Variants in ZNF565 observed in about 807,000 individuals in gnomAD.
The protein encoded by ZNF565 is zinc finger protein 565.
Under a neutral mutation model 39.4 loss-of-function variants are expected in ZNF565, and 27 were observed. That is an observed-to-expected ratio of 0.69 (90% CI 0.51 to 0.95). The LOEUF (loss-of-function observed/expected upper bound fraction) is 0.95, where lower values mean the gene tolerates loss of function less well. Among genes scored for constraint, ZNF565 ranks in the 40% least tolerant of loss-of-function variants. The pLI is 0.00. For synonymous variants in ZNF565, 185 were observed against 216.6 expected, an observed-to-expected ratio of 0.85 and a Z score of 1.28; for missense variants, 524 against 621.1, an observed-to-expected ratio of 0.84 and a Z score of 1.66.
At chr19:36,183,797 A>G in intron 4 of ZNF565, 64 bp from the exon 5 acceptor site, 1 of 1,459,842 alleles carries the variant, frequency 6.9e-7, no homozygotes, top group Non-Finnish European at 9.2e-7. Flanking sequence ...AAAAAATTCT[A>G]TAGTAGAGGC....
intron 1 of ZNF565, chr19:36,237,099 C>G (rs894225130): frequency 6.2e-7 from 1 of 1,614,166 alleles, no homozygotes. Flanking sequence ...TGTGGAAAAG[C>G]CTTCTCTCAG....
At chr19:36,218,827 G>A (rs1330570211), upstream of ZNF565, among the ~76,000 whole-genome samples, 1 of 140,990 alleles carries the variant, frequency 7.1e-6, no homozygotes, top group African/African-American at 2.7e-5. Flanking sequence ...GGTGGAGGGG[G>A]GGACAGAGTC....
rs914116799 is a variant in ZNF565, at chr19:36,245,024, T to TA, written c.55+451dup. Among the ~76,000 whole-genome samples, 5 of 152,334 alleles carry TA rather than the reference T, an allele frequency of 3.3e-5. No individual in the cohort carries two copies. Among genetic ancestry groups the TA allele is most frequent in the African/African-American group, 1.2e-4 (5 of 41,568 alleles). ...GTTGTGTTTTGTTTTCTTGAATCCC[T>TA]ACTGTTCAGTGGCTAGGCTAGAAAC... On this transcript the variant is annotated intron_variant, in intron 1 of 4. Transcript: ENST00000355114. The surrounding 1 kb of genome is among the most constrained non-coding windows in gnomAD (Gnocchi z 4.4).
intron 2 of ZNF565, among the ~76,000 whole-genome samples, chr19:36,201,372 TATTTCATGTTTGGCCCC>T (rs1445711549): frequency 6.6e-6 from 1 of 152,178 alleles, no homozygotes; most frequent in Non-Finnish European, 1.5e-5. Flanking sequence ...GAAACTACTT[TATTTCATGTTTGGCCCC>T]ATTCAACCAC....
At chr19:36,232,672 G>T (rs1334451089) in intron 1 of ZNF565, among the ~76,000 whole-genome samples, 1 of 149,204 alleles carries the variant, frequency 6.7e-6, no homozygotes. Flanking sequence ...GCAGTGGTGC[G>T]ATCTGGGCTC....
intron 1 of ZNF565, among the ~76,000 whole-genome samples, chr19:36,233,291 A>T (rs1599991558): frequency 6.6e-6 from 1 of 152,234 alleles, no homozygotes; most frequent in East Asian, 1.9e-4. Flanking sequence ...AGGCTTCAAG[A>T]ATCACTTGAA....
intron 1 of ZNF565, among the ~76,000 whole-genome samples, chr19:36,223,398 C>T (rs1041169325): frequency 2.6e-5 from 4 of 151,998 alleles, no homozygotes; most frequent in African/African-American, 9.7e-5. Flanking sequence ...AGTATCTCTC[C>T]GTCCCCCAGG....
At chr19:36,218,161 C>T (rs1289666130), upstream of ZNF565, 2 of 147,606 alleles carry the variant, frequency 1.4e-5, no homozygotes, top group Non-Finnish European at 1.5e-5. Context: ...TGTGTTAACT[C>T]CTTCCTCTGC....
At chr19:36,199,831 T>A (rs554747886) in intron 2 of ZNF565, among the ~76,000 whole-genome samples, 45 of 152,092 alleles carry the variant, frequency 3.0e-4, no homozygotes, top group African/African-American at 3.9e-4. Flanking sequence ...TTTTAAAATT[T>A]AAATTTAAAT....
chr19:36,200,515 G>A (rs568710549), intron 2 of ZNF565, among the ~76,000 whole-genome samples: 1 of 149,650 alleles, frequency 6.7e-6, no homozygotes, highest in African/African-American at 2.5e-5. Context: ...TTGAGATGGA[G>A]TCTCACTCTG....
chr19:36,228,246 AT>A (rs1425983156), intron 1 of ZNF565, among the ~76,000 whole-genome samples: 1 of 133,816 alleles, frequency 7.5e-6, no homozygotes, highest in Non-Finnish European at 1.6e-5. Flanking sequence ...TTGAGTTTTT[AT>A]TCTTGAGTAC....
At chr19:36,197,626 G>A (rs1029855383) in intron 2 of ZNF565, among the ~76,000 whole-genome samples, 11 of 151,978 alleles carry the variant, frequency 7.2e-5, no homozygotes, top group African/African-American at 9.7e-5. Context: ...CATTATTTTC[G>A]TGCACTTAGC....
intron 1 of ZNF565, among the ~76,000 whole-genome samples, chr19:36,242,119 T>C (rs551555925): frequency 6.6e-6 from 1 of 152,136 alleles, no homozygotes; most frequent in South Asian, 2.1e-4. Context: ...TATTTAGAAA[T>C]CATCTATCTG....
At chr19:36,243,843 A>T (rs1231507828) in intron 1 of ZNF565, among the ~76,000 whole-genome samples, 1 of 151,912 alleles carries the variant, frequency 6.6e-6, no homozygotes, top group Non-Finnish European at 1.5e-5. Flanking sequence ...CTGGGACTAG[A>T]GGCATGAGCC....
At chr19:36,237,172 A>G (rs746936664) in intron 1 of ZNF565, 1 of 1,614,138 alleles carries the variant, frequency 6.2e-7, no homozygotes, top group Non-Finnish European at 8.5e-7. Flanking sequence ...GTTGTAATGA[A>G]TGTGGGAAAG....
chr19:36,185,119 G>GAA (rs1014153562), intron 4 of ZNF565, among the ~76,000 whole-genome samples: 6 of 132,194 alleles, frequency 4.5e-5, no homozygotes, highest in Admixed American at 7.7e-5. Flanking sequence ...GTCCATCTCA[G>GAA]AAAAAAAAAA....
chr19:36,218,229 T>A (rs1477151581), upstream of ZNF565: 1 of 152,018 alleles, frequency 6.6e-6, no homozygotes, highest in Non-Finnish European at 1.5e-5. Flanking sequence ...CAGTTGCTCA[T>A]TTCATAGTAT....
At chr19:36,204,280 T>G (rs1468498859) in intron 1 of ZNF565, among the ~76,000 whole-genome samples, 9 of 151,906 alleles carry the variant, frequency 5.9e-5, no homozygotes, top group Non-Finnish European at 1.3e-4. Flanking sequence ...ATGGGAATGG[T>G]GTCAAGAAAA....
rs542841710 is a variant in ZNF565, at chr19:36,235,709, G to A, written c.55+9767C>T. On this transcript the variant is annotated intron_variant, in intron 1 of 4. Transcript: ENST00000355114. ...GATAGAGAGGCACCAGGACTTGAGAGGCACCAGGACTTGGGAGGCATGTTG... is the reference window on the plus strand; with the variant it reads ...GATAGAGAGGCACCAGGACTTGAGAAGCACCAGGACTTGGGAGGCATGTTG... 6 of 152,394 alleles carry A rather than the reference G, an allele frequency of 3.9e-5. No individual in the cohort carries two copies. The South Asian group carries it at 6.2e-4, about 16-fold the overall frequency. 9.4% of individuals were successfully genotyped at this position (152,394 alleles called of 1,614,324 possible).
Sources: gnomAD v4.1 joint callset for allele counts (sites outside exome capture counted in the v4.1 genomes callset) on GRCh38, gnomAD v4.1.1 for gene constraint, Gnocchi (gnomAD v3.1) non-coding constraint, MANE v1.5 for transcripts, NCBI Gene and HGNC (gene_info 2026-07-23, HGNC 2026-07-21) for gene names.